NEK9: variants seen among roughly 807,000 people sequenced by gnomAD.
NEK9 encodes the protein serine/threonine-protein kinase Nek9.
Under a neutral mutation model 123.4 loss-of-function variants are expected in NEK9, and 75 were observed. That is an observed-to-expected ratio of 0.61 (90% CI 0.50 to 0.74). NEK9 has a LOEUF of 0.74. Among genes scored for constraint, NEK9 ranks in the 30% least tolerant of loss-of-function variants. The probability of loss-of-function intolerance (pLI) is 0.00; values close to 1 mark genes in which losing one functional copy is unlikely to be tolerated. For synonymous variants in NEK9, 438 were observed against 458.7 expected (o/e 0.95, Z 0.58); for missense variants, 952 against 1,214.4 (o/e 0.78, Z 3.21).
intron 8 of NEK9, among the ~76,000 whole-genome samples, chr14:75,112,021 T>C (rs953074440): frequency 2.0e-5 from 3 of 152,144 alleles, no homozygotes; most frequent in Admixed American, 6.5e-5. Context: ...AAAACATAAA[T>C]GGAAGGTCAT....
intron 16 of NEK9, among the ~76,000 whole-genome samples, chr14:75,100,302 C>T (rs958386501): frequency 3.3e-5 from 5 of 151,230 alleles, no homozygotes; most frequent in Non-Finnish European, 7.4e-5. Context: ...AGAAATTAGC[C>T]GAGTATGGTG....
In NEK9 at chr14:75,079,490, A is replaced by G. The variant is rs1411416604; in HGVS notation, c.*5074T>C. 1 of 152,228 alleles carries G rather than the reference A, an allele frequency of 6.6e-6. No homozygotes were observed. Among genetic ancestry groups the G allele is most frequent in the African/African-American group, 2.4e-5 (1 of 41,460 alleles). The allele number at this position is 152,228 out of a possible 1,614,324, so 9.4% of individuals were successfully genotyped here. A position where few individuals can be genotyped will look rare whatever the true frequency, so the allele number is the denominator to read the frequency against. Reference sequence around the variant, plus strand: ...TAGGTACATTCCCTAGGCAAGTTCAATGAAATGTACACTTTAAGTGGGAAT... The same window carrying G: ...TAGGTACATTCCCTAGGCAAGTTCAGTGAAATGTACACTTTAAGTGGGAAT... On this transcript the variant is annotated 3_prime_UTR_variant, in exon 22 of 22. Coordinates refer to ENST00000238616, the MANE Select transcript of NEK9 (RefSeq NM_033116.6).
At chr14:75,127,114 T>TA (rs1403904486), upstream of NEK9, 3 of 534,304 alleles carry the variant, frequency 5.6e-6, no homozygotes, top group African/African-American at 6.1e-5. Flanking sequence ...TCCTCCGCCT[T>TA]TGCTTACCCT....
intron 18 of NEK9, 63 bp from the exon 19 acceptor site, chr14:75,091,541 G>T: frequency 7.3e-7 from 1 of 1,367,322 alleles, no homozygotes; most frequent in South Asian, 1.6e-5. Context: ...TTTACCATTT[G>T]ACAACCCTAC....
Position 75,084,393 on chromosome 14 carries a change from C to A in NEK9, c.*171G>T. 1 of 755,886 alleles carries A rather than the reference C, an allele frequency of 1.3e-6. No individual in the cohort carries two copies. The highest frequency in any genetic ancestry group is 2.6e-5 in the East Asian group (1 of 39,110). The allele number at this position is 755,886 out of a possible 1,614,324, so 46.8% of individuals were successfully genotyped here. A position where few individuals can be genotyped will look rare whatever the true frequency, so the allele number is the denominator to read the frequency against. On this transcript the variant is annotated 3_prime_UTR_variant, in exon 22 of 22. Coordinates refer to ENST00000238616, the MANE Select transcript of NEK9 (RefSeq NM_033116.6). ...CAATAAAATCACTCCTAGATCCTATCTAAAAGGCAATGCCACTCTCCAAAT... is the reference window on the plus strand; with the variant it reads ...CAATAAAATCACTCCTAGATCCTATATAAAAGGCAATGCCACTCTCCAAAT...
intron 2 of NEK9, among the ~76,000 whole-genome samples, chr14:75,122,766 C>T (rs1444376695): frequency 1.4e-5 from 2 of 146,178 alleles, no homozygotes; most frequent in Non-Finnish European, 3.0e-5. Context: ...GTTGGGATTA[C>T]AGGCGTGAGC....
At chr14:75,092,168 C>G (rs957458485) in intron 18 of NEK9, among the ~76,000 whole-genome samples, 1 of 151,878 alleles carries the variant, frequency 6.6e-6, no homozygotes, top group African/African-American at 2.4e-5. Context: ...TTAGTAGAGG[C>G]GGGGTTTCAC....
At chr14:75,109,134 G>A (rs1228260327) in intron 10 of NEK9, among the ~76,000 whole-genome samples, 1 of 152,148 alleles carries the variant, frequency 6.6e-6, no homozygotes, top group Non-Finnish European at 1.5e-5. Flanking sequence ...CTGCATTGTA[G>A]GTGAATGAAG....
chr14:75,117,598 C>T (rs922958846), intron 5 of NEK9, among the ~76,000 whole-genome samples: 2 of 152,122 alleles, frequency 1.3e-5, no homozygotes, highest in Admixed American at 6.5e-5. Flanking sequence ...TCCTAGATCA[C>T]AGAGGCTTCA....
intron 18 of NEK9, 39 bp downstream of exon 18, chr14:75,095,333 C>G (rs1476556923): frequency 6.6e-7 from 1 of 1,507,186 alleles, no homozygotes; most frequent in Non-Finnish European, 9.2e-7. Flanking sequence ...AAGACCCACA[C>G]TTCAGAAAAC....
chr14:75,093,612 C>A (rs112420427), intron 18 of NEK9, among the ~76,000 whole-genome samples: 243 of 152,226 alleles, frequency 1.6e-3, no homozygotes, highest in African/African-American at 5.6e-3. Flanking sequence ...CACCACCATG[C>A]CTGGCTAATT....
chr14:75,120,857 G>C (rs1895307235), intron 3 of NEK9: 9 of 598,190 alleles, frequency 1.5e-5, no homozygotes, highest in Non-Finnish European at 2.4e-5. Flanking sequence ...CAAAGTTATA[G>C]AAAACTGGGC....
At position 75,109,877 on chromosome 14, in the gene NEK9, C is replaced by T. The variant is rs371822393; in HGVS notation, c.990G>A (p.Arg330=). 7 of 1,602,838 alleles carry T rather than the reference C, an allele frequency of 4.4e-6. No individual in the cohort carries two copies. The highest frequency in any genetic ancestry group is 1.8e-5 in the Admixed American group (1 of 56,160). ...TLLNAPTKRP[R]SSTVTEAPIA... is the part of the protein sequence containing the mutation. ...TGGGTGCTTCAGTCACAGTGCTTGA[C>T]CTGCCAACAACCCCCAGAACAAAGG... The change falls in exon 10 of 22, where the codon AGG becomes AGA. Residue 330 remains arginine, a splice_region_variant and synonymous_variant. Transcript: ENST00000238616.
At chr14:75,108,549 GTATA>G (rs1243271717) in intron 10 of NEK9, among the ~76,000 whole-genome samples, 6 of 146,854 alleles carry the variant, frequency 4.1e-5, no homozygotes, top group South Asian at 2.1e-4. Flanking sequence ...GTGTGTGACA[GTATA>G]TATATATATT....
chr14:75,125,580 TCTAA>T (rs1221505727), intron 1 of NEK9, among the ~76,000 whole-genome samples: 3 of 152,238 alleles, frequency 2.0e-5, no homozygotes, highest in Non-Finnish European at 4.4e-5. Context: ...TTTTAGTTTC[TCTAA>T]CTAAAATATA....
chr14:75,105,346 C>A (rs1038633491), intron 13 of NEK9, among the ~76,000 whole-genome samples: 4 of 151,820 alleles, frequency 2.6e-5, no homozygotes, highest in African/African-American at 9.7e-5. Context: ...CAAAACACTG[C>A]TAACAATAAA....
intron 5 of NEK9, among the ~76,000 whole-genome samples, chr14:75,118,504 T>G (rs768947895): frequency 6.6e-6 from 1 of 152,204 alleles, no homozygotes; most frequent in Non-Finnish European, 1.5e-5. Flanking sequence ...AACAAAGAGA[T>G]GTCTAACACC....
chr14:75,122,825 T>C (rs1046692908), intron 2 of NEK9, among the ~76,000 whole-genome samples: 3 of 133,654 alleles, frequency 2.2e-5, no homozygotes, highest in African/African-American at 8.8e-5. Context: ...AGACAGGGTC[T>C]GGCTCCATCG....
At chr14:75,090,451 TTG>T (rs1357954769) in intron 19 of NEK9, among the ~76,000 whole-genome samples, 3 of 152,202 alleles carry the variant, frequency 2.0e-5, no homozygotes, top group Non-Finnish European at 4.4e-5. Flanking sequence ...TGACATTCTT[TTG>T]TGTGTTACAT....
Sources: allele counts gnomAD v4.1 joint callset (sites outside exome capture counted in the v4.1 genomes callset), GRCh38; gene constraint gnomAD v4.1.1; transcripts MANE v1.5; gene names NCBI Gene and HGNC (gene_info 2026-07-23, HGNC 2026-07-21).